Variants in NEK6 observed in about 807,000 individuals in gnomAD.
NEK6 encodes serine/threonine-protein kinase Nek6.
Under a neutral mutation model 43.5 loss-of-function variants are expected in NEK6, and 27 were observed. The ratio of observed to expected loss-of-function variants is 0.62; its 90% CI spans 0.46 to 0.86. The LOEUF is 0.86. NEK6 is among the 40% of genes least tolerant of loss of function. NEK6 has a pLI of 0.00. For missense variants in NEK6, 318 were observed against 414.4 expected, an observed-to-expected ratio of 0.77 and a Z score of 2.02; for synonymous variants, 167 against 164.1, an observed-to-expected ratio of 1.02 and a Z score of -0.14.
chr9:124,329,006 G>C (rs779747042), intron 7 of NEK6, among the ~76,000 whole-genome samples: 3 of 152,170 alleles, frequency 2.0e-5, no homozygotes, highest in Non-Finnish European at 4.4e-5. Context: ...CCAGGCGCTC[G>C]AGAGATTTTT....
intron 4 of NEK6, 28 bp from the exon 5 acceptor site, chr9:124,321,431 C>A: frequency 1.4e-6 from 2 of 1,436,876 alleles, no homozygotes; most frequent in Non-Finnish European, 2.0e-6. Flanking sequence ...CACTTGGTGC[C>A]CCCTTCCCTC....
chr9:124,305,027 C>T (rs1473125159), intron 2 of NEK6, among the ~76,000 whole-genome samples: 1 of 152,226 alleles, frequency 6.6e-6, no homozygotes, highest in African/African-American at 2.4e-5. Flanking sequence ...GAAAGGTATT[C>T]TTGCCTGAGA....
chr9:124,271,486 G>A lies in NEK6; in HGVS notation c.-30+13401G>A, dbSNP rs568800755. Reference sequence around the variant, plus strand: ...AGTACCCACTGTGCACCGGAGACCCGGCCAAGTACTTTCCGTGTGTTGCCT... The same window carrying A: ...AGTACCCACTGTGCACCGGAGACCCAGCCAAGTACTTTCCGTGTGTTGCCT... On this transcript the variant is annotated intron_variant, in intron 1 of 9. Coordinates refer to ENST00000320246, the MANE Select transcript of NEK6 (RefSeq NM_014397.6). Among the ~76,000 whole-genome samples the A allele has an allele frequency of 1.4e-4, 22 of 152,370 alleles. No individual in the cohort carries two copies. The South Asian group carries it at 1.7e-3, about 11-fold the overall frequency.
intron 9 of NEK6, among the ~76,000 whole-genome samples, chr9:124,348,748 G>T (rs958266383): frequency 6.6e-6 from 1 of 152,252 alleles, no homozygotes; most frequent in Non-Finnish European, 1.5e-5. Context: ...GTCAACGCTA[G>T]TGGGTGAGTC....
intron 1 of NEK6, among the ~76,000 whole-genome samples, chr9:124,288,347 A>G (rs1030744847): frequency 5.9e-5 from 9 of 151,920 alleles, no homozygotes; most frequent in East Asian, 1.9e-4. Context: ...ATTCACTGCA[A>G]CCTCTGCCTC....
At position 124,339,588 on chromosome 9, in the gene NEK6, ATG is replaced by A. The variant is rs1245951371; in HGVS notation, c.642_643del (p.Met214IlefsTer7). 1 of 1,613,624 alleles carries A rather than the reference ATG, an allele frequency of 6.2e-7. No individual in the cohort carries two copies. Among genetic ancestry groups the A allele is most frequent in the Non-Finnish European group, 8.5e-7 (1 of 1,179,782 alleles). On this transcript the variant is annotated frameshift_variant, in exon 8 of 10. Coordinates refer to ENST00000320246, the MANE Select transcript of NEK6 (RefSeq NM_014397.6). LOFTEE classifies it high-confidence loss of function. ...TGTTGCAGTGGGGACGCCCTACTAC[ATG>A]TCACCGGAGAGGATCCATGAGAACG... ...AHSLVGTPYY[M>X]SPERIHENGY...
chr9:124,283,242 T>C (rs1037689127), intron 1 of NEK6, among the ~76,000 whole-genome samples: 2 of 152,188 alleles, frequency 1.3e-5, no homozygotes, highest in African/African-American at 2.4e-5. Context: ...TGGCACATAG[T>C]AGGTGCTCAG....
At chr9:124,321,591 G>T in intron 5 of NEK6, 22 bp downstream of exon 5, 6 of 1,456,682 alleles carry the variant, frequency 4.1e-6, no homozygotes, top group Non-Finnish European at 5.8e-6. Context: ...GCGGGGTGGG[G>T]GTGCTGGGGG....
At chr9:124,287,332 C>T (rs1204235258) in intron 1 of NEK6, among the ~76,000 whole-genome samples, 2 of 152,340 alleles carry the variant, frequency 1.3e-5, no homozygotes, top group East Asian at 3.9e-4. Context: ...CAAGGTGGGC[C>T]TGGAGCACGA....
intron 1 of NEK6, among the ~76,000 whole-genome samples, chr9:124,301,301 A>T (rs914775215): frequency 6.6e-6 from 1 of 152,146 alleles, no homozygotes; most frequent in Non-Finnish European, 1.5e-5. Flanking sequence ...ACCTATGACC[A>T]GCATCTCTGA....
intron 4 of NEK6, among the ~76,000 whole-genome samples, chr9:124,320,101 G>A (rs890752946): frequency 7.9e-5 from 12 of 152,232 alleles, no homozygotes; most frequent in African/African-American, 2.7e-4. Flanking sequence ...TCCTCGCAGT[G>A]GTGTCTGGAT....
rs1433444153 is a variant in NEK6 at position 124,326,792 on chromosome 9, G to A, written c.514+354G>A. ...TGAGAAGGGGAGGCACCTGAGAGGG[G>A]TGTTTCCACAGTTGACATGATTCCG... On this transcript the variant is annotated intron_variant, in intron 6 of 9. Coordinates refer to ENST00000320246, the MANE Select transcript of NEK6 (RefSeq NM_014397.6). This position sits in a 1 kb window ranked among gnomAD's most constrained non-coding sequence, Gnocchi z 4.5. Among the ~76,000 whole-genome samples, 1 of 152,206 alleles carries A rather than the reference G, an allele frequency of 6.6e-6. No homozygotes were observed. Among genetic ancestry groups the A allele is most frequent in the African/African-American group, 2.4e-5 (1 of 41,458 alleles).
chr9:124,314,957 G>GC (rs1319769976), intron 4 of NEK6, among the ~76,000 whole-genome samples: 4 of 152,218 alleles, frequency 2.6e-5, no homozygotes, highest in Non-Finnish European at 5.9e-5. Context: ...ACCGCACCCG[G>GC]CCCCCCATGA....
rs918571638 is a variant in NEK6, at chr9:124,326,596, C to T, written c.514+158C>T. On this transcript the variant is annotated intron_variant, in intron 6 of 9. Transcript: ENST00000320246. The surrounding 1 kb of genome is among the most constrained non-coding windows in gnomAD (Gnocchi z 4.5). ...GCTGCCCAGCAACCGCGCACACACA[C>T]GCGCCCGGGTCAGGAACCTCCCCGA... 1.3e-5 allele frequency among the ~76,000 whole-genome samples: 2 copies of T among 152,186 alleles called. No individual in the cohort carries two copies. Among genetic ancestry groups the T allele is most frequent in the Admixed American group, 1.3e-4 (2 of 15,288 alleles).
chr9:124,327,870 C>T (rs1033769437), intron 7 of NEK6, among the ~76,000 whole-genome samples: 2 of 152,174 alleles, frequency 1.3e-5, no homozygotes, highest in African/African-American at 2.4e-5. Flanking sequence ...GACCAGGTGC[C>T]TGCCAGGGAG....
chr9:124,299,695 G>T (rs1309972485), intron 1 of NEK6, among the ~76,000 whole-genome samples: 1 of 152,112 alleles, frequency 6.6e-6, no homozygotes, highest in African/African-American at 2.4e-5. Flanking sequence ...GAAGAGGCAG[G>T]TGCACCCATA....
At chr9:124,303,315 C>G (rs1202904334) in intron 2 of NEK6, among the ~76,000 whole-genome samples, 1 of 152,106 alleles carries the variant, frequency 6.6e-6, no homozygotes, top group East Asian at 1.9e-4. Flanking sequence ...GGCTTGATTA[C>G]AGCTTCTAAC....
chr9:124,341,712 C>T (rs889673667), intron 8 of NEK6, among the ~76,000 whole-genome samples: 2 of 150,878 alleles, frequency 1.3e-5, no homozygotes, highest in East Asian at 2.0e-4. Context: ...TGGGTTGGGG[C>T]GGCGAGTGTT....
intron 1 of NEK6, chr9:124,261,543 G>A: frequency 2.0e-6 from 2 of 985,456 alleles, no homozygotes; most frequent in Non-Finnish European, 2.4e-6. Flanking sequence ...TCACGGGCCT[G>A]ACTCACAGTC....
Sources: allele counts gnomAD v4.1 joint callset (sites outside exome capture counted in the v4.1 genomes callset), GRCh38; gene constraint gnomAD v4.1.1; non-coding constraint Gnocchi (gnomAD v3.1); transcripts MANE v1.5; gene names NCBI Gene and HGNC (gene_info 2026-07-23, HGNC 2026-07-21).